Variants in NDUFB8 observed in about 807,000 individuals in gnomAD.
NDUFB8 encodes NADH:ubiquinone oxidoreductase subunit B8.
NDUFB8 carries 17 observed loss-of-function variants against 26.0 expected under a neutral mutation model. The ratio of observed to expected loss-of-function variants is 0.65; its 90% confidence interval spans 0.45 to 0.98. The LOEUF is 0.98. Among genes scored for constraint, NDUFB8 ranks in the 50% least tolerant of loss-of-function variants. The pLI is 0.00. For synonymous variants in NDUFB8, 89 were observed against 93.1 expected (o/e 0.96, Z 0.25); for missense variants, 238 against 255.0 (o/e 0.93, Z 0.45).
Position 100,524,175 on chromosome 10 carries a change from G to T in NDUFB8, c.469-246C>A, listed in dbSNP as rs552335920. 195 of 1,481,048 alleles carry T rather than the reference G, an allele frequency of 1.3e-4. No individual in the cohort carries two copies. The highest frequency in any genetic ancestry group is 1.7e-4 in the Non-Finnish European group (188 of 1,078,886). The allele number at this position is 1,481,048 out of a possible 1,614,324, so 91.7% of individuals were successfully genotyped here. ...GAAGGAGAAAGGGGGAGGGAAGGGG[G>T]TTAGGGAAAGGAGGGGAAGGGAGGA... On this transcript the variant is annotated intron_variant, in intron 4 of 4. Coordinates refer to ENST00000299166, the MANE Select transcript of NDUFB8 (RefSeq NM_005004.4). This position sits in a 1 kb window ranked among gnomAD's most constrained non-coding sequence, Gnocchi z 4.0.
chr10:100,524,171 G>C lies in NDUFB8; in HGVS notation c.469-242C>G, dbSNP rs527258325. The C allele has an allele frequency of 7.2e-6, 11 of 1,538,278 alleles. No homozygotes were observed. The Admixed American group carries it at 1.3e-4, about 19-fold the overall frequency. On this transcript the variant is annotated intron_variant, in intron 4 of 4. Coordinates refer to ENST00000299166, the MANE Select transcript of NDUFB8 (RefSeq NM_005004.4). The surrounding 1 kb of genome is among the most constrained non-coding windows in gnomAD (Gnocchi z 4.0). ...GAGAGAAGGAGAAAGGGGGAGGGAAGGGGGTTAGGGAAAGGAGGGGAAGGG... is the reference window on the plus strand; with the variant it reads ...GAGAGAAGGAGAAAGGGGGAGGGAACGGGGTTAGGGAAAGGAGGGGAAGGG...
rs1852007331 is a variant in NDUFB8 at position 100,524,242 on chromosome 10, A to G, written c.469-313T>C. The G allele has an allele frequency of 1.9e-6, 2 of 1,027,566 alleles. No homozygotes were observed. Among genetic ancestry groups the G allele is most frequent in the East Asian group, 5.2e-5 (2 of 38,506 alleles). 63.7% of individuals were successfully genotyped at this position (1,027,566 alleles called of 1,614,324 possible). A position where few individuals can be genotyped will look rare whatever the true frequency, so the allele number is the denominator to read the frequency against. ...AAAGAAAGAGAGAAGAGTGTGTTAG[A>G]GTCAGAGGCAACACTTTCTAAATGA... On this transcript the variant is annotated intron_variant, in intron 4 of 4. Coordinates refer to ENST00000299166, the MANE Select transcript of NDUFB8 (RefSeq NM_005004.4). This position sits in a 1 kb window ranked among gnomAD's most constrained non-coding sequence, Gnocchi z 4.0.
chr10:100,527,747 T>A (rs533640428), intron 2 of NDUFB8, among the ~76,000 whole-genome samples: 2 of 152,238 alleles, frequency 1.3e-5, no homozygotes, highest in Non-Finnish European at 2.9e-5. Context: ...TTTCAGTCAA[T>A]GACGGACAAC....
At chr10:100,525,262 T>G (rs1310942372) in intron 4 of NDUFB8, among the ~76,000 whole-genome samples, 3 of 143,202 alleles carry the variant, frequency 2.1e-5, no homozygotes, top group African/African-American at 7.9e-5. Flanking sequence ...CATTGTTTTC[T>G]TTTTTTTTTT....
At chr10:100,529,592 G>A (rs939552071) in intron 1 of NDUFB8, 86 bp from the exon 2 acceptor site, 2 of 1,586,082 alleles carry the variant, frequency 1.3e-6, no homozygotes, top group Non-Finnish European at 1.7e-6. Context: ...GCAGAGGTCC[G>A]AGCCCGGGAC....
intron 1 of NDUFB8, 54 bp downstream of exon 1, chr10:100,529,713 A>G: frequency 6.3e-7 from 1 of 1,578,376 alleles, no homozygotes; most frequent in Non-Finnish European, 8.6e-7. Context: ...CTCCCGATAC[A>G]CCAAATTTCA....
chr10:100,525,717 CGTGTGTGTGTGTGTGTGTGTGTGTGT>C lies in NDUFB8; in HGVS notation c.468+656_468+681del, dbSNP rs71013460. Reference sequence around the variant, plus strand: ...AGTAACTCATACCACTAAGCACATACGTGTGTGTGTGTGTGTGTGTGTGTGTGTGTGTGTGTGTGTGTGTGTGTTAG... The same window carrying C: ...AGTAACTCATACCACTAAGCACATACGTGTGTGTGTGTGTGTGTGTGTTAG... On this transcript the variant is annotated intron_variant, in intron 4 of 4. Transcript: ENST00000299166. Among the ~76,000 whole-genome samples the C allele has an allele frequency of 5.2e-4, 24 of 46,050 alleles. 1 individual carries two copies. Among genetic ancestry groups the C allele is most frequent in the Admixed American group, 7.3e-4 (3 of 4,128 alleles). 30.2% of individuals were successfully genotyped at this position (46,050 alleles called of 152,430 possible).
At chr10:100,528,309 A>C (rs1852086049) in intron 2 of NDUFB8, among the ~76,000 whole-genome samples, 1 of 152,040 alleles carries the variant, frequency 6.6e-6, no homozygotes, top group Non-Finnish European at 1.5e-5. Context: ...CTGTAAGTAC[A>C]CTCCTAATGT....
chr10:100,524,918 C>T lies in NDUFB8; in HGVS notation c.469-989G>A, dbSNP rs12259919. ...TGCATCTGGTACATAGTACAGGCTCCATAAATATTTGTTCAATTAATGCTT... is the reference window on the plus strand; with the variant it reads ...TGCATCTGGTACATAGTACAGGCTCTATAAATATTTGTTCAATTAATGCTT... On this transcript the variant is annotated intron_variant, in intron 4 of 4. Coordinates refer to ENST00000299166, the MANE Select transcript of NDUFB8 (RefSeq NM_005004.4). This position sits in a 1 kb window ranked among gnomAD's most constrained non-coding sequence, Gnocchi z 4.0. 6.0e-3 allele frequency among the ~76,000 whole-genome samples: 916 copies of T among 152,314 alleles called. 4 individuals carry two copies. The highest frequency in any genetic ancestry group is 0.02 in the African/African-American group (842 of 41,576).
At position 100,524,004 on chromosome 10, in the gene NDUFB8, AT is replaced by A; in HGVS notation, c.469-76del. 1 of 1,605,812 alleles carries A rather than the reference AT, an allele frequency of 6.2e-7. No individual in the cohort carries two copies. Among genetic ancestry groups the A allele is most frequent in the South Asian group, 1.1e-5 (1 of 89,734 alleles). On this transcript the variant is annotated intron_variant, in intron 4 of 4. Coordinates refer to ENST00000299166, the MANE Select transcript of NDUFB8 (RefSeq NM_005004.4). The surrounding 1 kb of genome is among the most constrained non-coding windows in gnomAD (Gnocchi z 4.0). ...GGCTACACCCCACTCTGAGTTAACA[AT>A]CACGCATGGTAAATGGGTACACAGT...
intron 4 of NDUFB8, chr10:100,526,184 G>A (rs924645358): frequency 6.5e-6 from 3 of 460,658 alleles, no homozygotes; most frequent in Non-Finnish European, 1.1e-5. Flanking sequence ...GTCTTCAAGT[G>A]TATCTACTCA....
At position 100,529,422 on chromosome 10, in the gene NDUFB8, A is replaced by G; in HGVS notation, c.170T>C (p.Met57Thr). 1.2e-6 allele frequency: 2 copies of G among 1,612,908 alleles called. No homozygotes were observed. Among genetic ancestry groups the G allele is most frequent in the Non-Finnish European group, 1.7e-6 (2 of 1,179,660 alleles). Reference sequence around the variant, plus strand: ...GTAAGGTTCGTAGTCTTCCACACGCATATTATACTTCTTGGCGGCGGCGGC... The same window carrying G: ...GTAAGGTTCGTAGTCTTCCACACGCGTATTATACTTCTTGGCGGCGGCGGC... Reference protein sequence around the residue: ...ERAAAAKKYNMRVEDYEPYPD... With the variant: ...ERAAAAKKYNTRVEDYEPYPD... The change falls in exon 2 of 5, where the codon ATG becomes ACG. Residue 57 changes from methionine to threonine, a missense_variant. By Grantham distance (81) the Met-to-Thr change is moderately conservative (BLOSUM62 -1). Transcript: ENST00000299166.
In NDUFB8 at chr10:100,529,421, C is replaced by T. The variant is rs747170990; in HGVS notation, c.171G>A (p.Met57Ile). ...ERAAAAKKYN[M>I]RVEDYEPYPD... ...GGTAAGGTTCGTAGTCTTCCACACG[C>T]ATATTATACTTCTTGGCGGCGGCGG... Residue 57 changes from methionine to isoleucine, a missense_variant, in exon 2 of 5, where the codon ATG (methionine) becomes ATA (isoleucine). Transcript: ENST00000299166. 6.2e-7 allele frequency: 1 copy of T among 1,613,142 alleles called. No individual in the cohort carries two copies.
Position 100,524,165 on chromosome 10 carries a change from A to C in NDUFB8, c.469-236T>G, listed in dbSNP as rs541862329. The C allele has an allele frequency of 1.5e-5, 20 of 1,330,830 alleles. No individual in the cohort carries two copies. The East Asian group carries it at 5.0e-4, about 33-fold the overall frequency. 82.4% of individuals were successfully genotyped at this position (1,330,830 alleles called of 1,614,324 possible). A position where few individuals can be genotyped will look rare whatever the true frequency, so the allele number is the denominator to read the frequency against. ...CTGTGAGAGAGAAGGAGAAAGGGGG[A>C]GGGAAGGGGGTTAGGGAAAGGAGGG... On this transcript the variant is annotated intron_variant, in intron 4 of 4. Transcript: ENST00000299166. This position sits in a 1 kb window ranked among gnomAD's most constrained non-coding sequence, Gnocchi z 4.0.
intron 2 of NDUFB8, chr10:100,528,958 T>A (rs1304756020): frequency 1.3e-5 from 2 of 153,918 alleles, no homozygotes; most frequent in African/African-American, 4.8e-5. Flanking sequence ...TAAAGAGACA[T>A]ACACACAAAT....
chr10:100,526,216 G>A, intron 4 of NDUFB8, 183 bp downstream of exon 4: 1 of 571,340 alleles, frequency 1.8e-6, no homozygotes, highest in South Asian at 2.8e-5. Context: ...CCAAGAAGTA[G>A]GGGTGGAGAA....
intron 4 of NDUFB8, 21 bp downstream of exon 4, chr10:100,526,378 G>C (rs374288688): frequency 6.4e-7 from 1 of 1,567,470 alleles, no homozygotes; most frequent in Non-Finnish European, 8.6e-7. Context: ...GTGCCTAAGG[G>C]AGCACTTCTC....
At chr10:100,526,948 A>G in intron 3 of NDUFB8, 27 bp downstream of exon 3, 1 of 1,596,954 alleles carries the variant, frequency 6.3e-7, no homozygotes, top group Non-Finnish European at 8.6e-7. Flanking sequence ...GAGAGAAGGA[A>G]GGTCAAATGA....
rs371166959 is a variant in NDUFB8 at position 100,529,423 on chromosome 10, T to G, written c.169A>C (p.Met57Leu). ...ERAAAAKKYNMRVEDYEPYPD... is the reference protein window; with the variant it reads ...ERAAAAKKYNLRVEDYEPYPD... The stretch of plus-strand genomic sequence containing the variant: ...TAAGGTTCGTAGTCTTCCACACGCA[T>G]ATTATACTTCTTGGCGGCGGCGGCC... The change falls in exon 2 of 5, where the codon ATG (methionine) becomes CTG (leucine). Residue 57 changes from methionine to leucine, a missense_variant. By Grantham distance (15) the Met-to-Leu change is conservative. Coordinates refer to ENST00000299166, the MANE Select transcript of NDUFB8 (RefSeq NM_005004.4). 112 of 1,612,998 alleles carry G rather than the reference T, an allele frequency of 6.9e-5. No homozygotes were observed. Among genetic ancestry groups the G allele is most frequent in the Non-Finnish European group, 8.9e-5 (105 of 1,179,700 alleles).
Sources: gnomAD v4.1 joint callset for allele counts (sites outside exome capture counted in the v4.1 genomes callset) on GRCh38, gnomAD v4.1.1 for gene constraint, Gnocchi (gnomAD v3.1) non-coding constraint, MANE v1.5 for transcripts, NCBI Gene and HGNC (gene_info 2026-07-23, HGNC 2026-07-21) for gene names.